Variants in ANK2 observed in about 807,000 individuals in gnomAD.
The protein encoded by ANK2 is ankyrin-2.
A neutral mutation model predicts 360.5 loss-of-function variants in ANK2; 83 were observed. The observed-to-expected ratio is 0.23, with a 90% CI of 0.19 to 0.28. ANK2 has a LOEUF of 0.28. ANK2 is among the 10% of genes least tolerant of loss of function. The pLI is 1.00. For synonymous variants in ANK2, 1,740 were observed against 1,759.5 expected (o/e 0.99, Z 0.28); for missense variants, 4,201 against 4,795.7 (o/e 0.88, Z 3.66).
At chr4:112,930,156 T>C (rs574098388) in intron 2 of ANK2, among the ~76,000 whole-genome samples, 1 of 152,052 alleles carries the variant, frequency 6.6e-6, no homozygotes, top group South Asian at 2.1e-4. Context: ...TCATTGAATA[T>C]GTTTAGGCTG....
chr4:112,971,821 C>A (rs2039651965), intron 2 of ANK2, among the ~76,000 whole-genome samples: 1 of 152,158 alleles, frequency 6.6e-6, no homozygotes, highest in African/African-American at 2.4e-5. Flanking sequence ...AGGGCTATTT[C>A]CTCAACGTAC....
intron 1 of ANK2, among the ~76,000 whole-genome samples, chr4:112,892,808 T>C (rs2080472288): frequency 6.6e-6 from 1 of 152,214 alleles, no homozygotes; most frequent in Non-Finnish European, 1.5e-5. Flanking sequence ...TTTATCCTTT[T>C]TGAATTCTGA....
At chr4:112,834,419 G>A (rs1426796493) in intron 1 of ANK2, among the ~76,000 whole-genome samples, 2 of 152,184 alleles carry the variant, frequency 1.3e-5, no homozygotes, top group Non-Finnish European at 2.9e-5. Flanking sequence ...AAATGTTGAA[G>A]TTAAGTGCAT....
At chr4:112,731,425 AT>A in the ANK2 span, among the ~76,000 whole-genome samples, 3 of 151,736 alleles carry the variant, frequency 2.0e-5, no homozygotes, top group South Asian at 6.2e-4. Flanking sequence ...ACTTTTTTCC[AT>A]TAAAATAAGG....
intron 1 of ANK2, among the ~76,000 whole-genome samples, chr4:112,845,639 CGT>C (rs2063124756): frequency 6.6e-6 from 1 of 152,100 alleles, no homozygotes; most frequent in African/African-American, 2.4e-5. Flanking sequence ...AGATGGAAAT[CGT>C]GTGTCTTCTG....
Position 113,258,453 on chromosome 4 carries a change from C to G in ANK2, c.1386+42C>G, listed in dbSNP as rs764038621. 18 of 1,558,840 alleles carry G rather than the reference C, an allele frequency of 1.2e-5. 2 individuals carry two copies. The South Asian group carries it at 2.0e-4, about 17-fold the overall frequency. On this transcript the variant is annotated intron_variant, in intron 13 of 45. Coordinates refer to ENST00000357077, the MANE Select transcript of ANK2 (RefSeq NM_001148.6). ...TCAGAATAACCCCAGGGAGGAAGAG[C>G]GAGAGGAACAGAGATTGTGGGTGTG... is the stretch of plus-strand genomic sequence containing the variant.
chr4:113,318,840 G>T (rs562580655), intron 26 of ANK2, among the ~76,000 whole-genome samples: 1 of 152,052 alleles, frequency 6.6e-6, no homozygotes, highest in African/African-American at 2.4e-5. Flanking sequence ...ACTGACTATT[G>T]TTTTAAAACA....
At chr4:112,764,451 T>C in the ANK2 span, among the ~76,000 whole-genome samples, 2 of 151,964 alleles carry the variant, frequency 1.3e-5, no homozygotes, top group Non-Finnish European at 2.9e-5. Flanking sequence ...TTCTCCTGCC[T>C]CAGCCTCCCA....
intron 2 of ANK2, among the ~76,000 whole-genome samples, chr4:112,940,748 GT>G (rs2094142462): frequency 6.6e-6 from 1 of 152,104 alleles, no homozygotes; most frequent in Non-Finnish European, 1.5e-5. Context: ...TTGCAAATCT[GT>G]AAACTCTTTT....
At chr4:113,131,253 T>A (rs76183118) in intron 1 of ANK2, among the ~76,000 whole-genome samples, 2,163 of 152,256 alleles carry the variant, frequency 0.014, 27 homozygotes, top group Non-Finnish European at 0.023. Context: ...TGTTTTCCTT[T>A]CCCCTTCATC....
chr4:112,729,724 G>T, the ANK2 span, among the ~76,000 whole-genome samples: 2 of 150,684 alleles, frequency 1.3e-5, no homozygotes, highest in African/African-American at 4.9e-5. Flanking sequence ...CTCCAGCCTG[G>T]GTGACAGAGA....
the ANK2 span, among the ~76,000 whole-genome samples, chr4:112,789,460 T>A: frequency 6.6e-5 from 10 of 150,698 alleles, no homozygotes; most frequent in East Asian, 2.1e-3. Flanking sequence ...AAAGTTATGA[T>A]TTGAGACCAA....
chr4:113,114,347 T>G (rs1406854231), intron 1 of ANK2, among the ~76,000 whole-genome samples: 4 of 152,202 alleles, frequency 2.6e-5, no homozygotes, highest in Non-Finnish European at 4.4e-5. Flanking sequence ...AAAGATATTA[T>G]GAGAAAATGT....
At chr4:112,783,576 C>T in the ANK2 span, among the ~76,000 whole-genome samples, 131 of 151,640 alleles carry the variant, frequency 8.6e-4, 1 homozygote, top group African/African-American at 3.0e-3. Flanking sequence ...GGCATTTTGG[C>T]GATTTGCTTT....
intron 45 of ANK2, among the ~76,000 whole-genome samples, chr4:113,376,520 A>G (rs2096939685): frequency 6.6e-6 from 1 of 152,246 alleles, no homozygotes; most frequent in Non-Finnish European, 1.5e-5. Context: ...AGTAGACTTT[A>G]TAAACACTGT....
At chr4:112,772,097 C>T in the ANK2 span, among the ~76,000 whole-genome samples, 1 of 152,046 alleles carries the variant, frequency 6.6e-6, no homozygotes, top group Non-Finnish European at 1.5e-5. Flanking sequence ...GCCAAGGTGT[C>T]TATATTAGTC....
the ANK2 span, among the ~76,000 whole-genome samples, chr4:112,762,386 T>A: frequency 6.6e-6 from 1 of 152,264 alleles, no homozygotes; most frequent in Admixed American, 6.5e-5. Context: ...AACAAAGCTT[T>A]ATAATATGAT....
intron 2 of ANK2, among the ~76,000 whole-genome samples, chr4:112,998,892 T>C (rs1465004790): frequency 6.6e-6 from 1 of 152,188 alleles, no homozygotes; most frequent in Admixed American, 6.5e-5. Flanking sequence ...GGAGAAGTCT[T>C]TCTGTATATA....
chr4:112,776,255 C>T, the ANK2 span, among the ~76,000 whole-genome samples: 1 of 152,178 alleles, frequency 6.6e-6, no homozygotes, highest in Admixed American at 6.5e-5. Flanking sequence ...TTAATATAAG[C>T]TTTACATGAC....
Sources: gnomAD v4.1 joint callset for allele counts (sites outside exome capture counted in the v4.1 genomes callset) on GRCh38, gnomAD v4.1.1 for gene constraint, MANE v1.5 for transcripts, NCBI Gene and HGNC (gene_info 2026-07-23, HGNC 2026-07-21) for gene names.